The following TULP4 variants were observed in gnomAD, a reference collection of about 807,000 sequenced individuals.
TULP4 encodes tubby-related protein 4.
TULP4 carries 16 observed loss-of-function variants against 129.0 expected under a neutral mutation model. That is an observed-to-expected ratio of 0.12 (90% CI 0.08 to 0.19). TULP4 has a LOEUF of 0.19. TULP4 is among the 10% of genes least tolerant of loss of function. The pLI is 1.00. For synonymous variants in TULP4, 998 were observed against 854.0 expected, an observed-to-expected ratio of 1.17 and a Z score of -2.94; for missense variants, 1,842 against 2,059.1, an observed-to-expected ratio of 0.89 and a Z score of 2.04.
intron 1 of TULP4, among the ~76,000 whole-genome samples, chr6:158,349,555 G>A (rs1466123578): frequency 8.9e-5 from 11 of 123,370 alleles, no homozygotes; most frequent in Non-Finnish European, 1.9e-4. Context: ...CATCCCAGAC[G>A]ATGGGTGGCC....
chr6:158,232,747 C>T (rs1583658443), intron 1 of TULP4, among the ~76,000 whole-genome samples: 1 of 152,036 alleles, frequency 6.6e-6, no homozygotes, highest in Admixed American at 6.5e-5. Flanking sequence ...TCTTCCTCCC[C>T]GGCGTCGGGC....
chr6:158,469,864 T>G (rs979838084), intron 6 of TULP4, among the ~76,000 whole-genome samples: 3 of 151,888 alleles, frequency 2.0e-5, no homozygotes, highest in African/African-American at 7.3e-5. Flanking sequence ...TAGAGAGCTG[T>G]TACCAGGGGT....
At chr6:158,491,507 TCTTTCTTTC>T (rs1398697408) in intron 9 of TULP4, among the ~76,000 whole-genome samples, 7 of 40,892 alleles carry the variant, frequency 1.7e-4, no homozygotes, top group Non-Finnish European at 3.1e-4. Context: ...TTTCTTTCTT[TCTTTCTTTC>T]TTGTCTCGCT....
In TULP4 at chr6:158,506,722, G is replaced by T; in HGVS notation, c.*28G>T. 6.8e-7 allele frequency: 1 copy of T among 1,478,278 alleles called. No individual in the cohort carries two copies. The allele number at this position is 1,478,278 out of a possible 1,614,324, so 91.6% of individuals were successfully genotyped here. Reference sequence around the variant, plus strand: ...AGACTGGTGTGGGGAGGAGAGAGATGCAGAGAGCCTTTGGAAGAGGTCTTC... The same window carrying T: ...AGACTGGTGTGGGGAGGAGAGAGATTCAGAGAGCCTTTGGAAGAGGTCTTC... On this transcript the variant is annotated 3_prime_UTR_variant, in exon 14 of 14. Transcript: ENST00000367097.
intron 3 of TULP4, among the ~76,000 whole-genome samples, chr6:158,443,466 A>G (rs1000980661): frequency 6.6e-5 from 10 of 152,162 alleles, no homozygotes; most frequent in African/African-American, 2.4e-4. Flanking sequence ...CTCTACTCCT[A>G]GAAATTGATA....
intron 1 of TULP4, among the ~76,000 whole-genome samples, chr6:158,363,637 C>G (rs1467678246): frequency 6.6e-6 from 1 of 152,176 alleles, no homozygotes; most frequent in Non-Finnish European, 1.5e-5. Flanking sequence ...GCACGCATCA[C>G]TACGCCGGGC....
At chr6:158,270,130 C>T (rs1198110472) in intron 1 of TULP4, among the ~76,000 whole-genome samples, 1 of 152,162 alleles carries the variant, frequency 6.6e-6, no homozygotes, top group Non-Finnish European at 1.5e-5. Context: ...ATAATTAGAT[C>T]TTCTATATAT....
chr6:158,238,422 T>C (rs994569725), intron 1 of TULP4: 2 of 490,926 alleles, frequency 4.1e-6, no homozygotes, highest in Non-Finnish European at 7.2e-6. Flanking sequence ...ATTGTTTTTT[T>C]TTTTTTTTTT....
intron 2 of TULP4, among the ~76,000 whole-genome samples, chr6:158,426,604 C>T (rs903396739): frequency 5.3e-5 from 8 of 152,274 alleles, no homozygotes; most frequent in African/African-American, 1.9e-4. Context: ...CAGTACCATG[C>T]TGTTTTGGTT....
At chr6:158,272,918 C>G (rs1336163885) in intron 1 of TULP4, among the ~76,000 whole-genome samples, 3 of 152,172 alleles carry the variant, frequency 2.0e-5, no homozygotes, top group Non-Finnish European at 1.5e-5. Context: ...AGCTTATGGA[C>G]TTTGATTATT....
chr6:158,400,264 C>T (rs750504060), intron 1 of TULP4, among the ~76,000 whole-genome samples: 3 of 151,974 alleles, frequency 2.0e-5, no homozygotes, highest in South Asian at 2.1e-4. Context: ...AAGTACCTGT[C>T]GGTTAAAAAA....
At chr6:158,371,270 A>G (rs1181485934) in intron 1 of TULP4, among the ~76,000 whole-genome samples, 3 of 152,188 alleles carry the variant, frequency 2.0e-5, no homozygotes, top group East Asian at 3.8e-4. Context: ...CAAAGCCCAC[A>G]CGGAGGAGAA....
intron 1 of TULP4, among the ~76,000 whole-genome samples, chr6:158,344,528 A>G (rs1256307089): frequency 6.6e-6 from 1 of 152,132 alleles, no homozygotes; most frequent in Non-Finnish European, 1.5e-5. Context: ...CTTTTTCATC[A>G]TTATATCTTT....
intron 5 of TULP4, among the ~76,000 whole-genome samples, chr6:158,459,743 TG>T (rs1779382803): frequency 1.3e-5 from 2 of 152,244 alleles, no homozygotes; most frequent in Non-Finnish European, 2.9e-5. Context: ...ATTACAATGA[TG>T]CTTCTGTCCT....
intron 1 of TULP4, among the ~76,000 whole-genome samples, chr6:158,304,190 T>A (rs1021350451): frequency 6.6e-6 from 1 of 152,188 alleles, no homozygotes; most frequent in African/African-American, 2.4e-5. Flanking sequence ...TGTCCCTAGG[T>A]TGAACTTTCC....
intron 1 of TULP4, among the ~76,000 whole-genome samples, chr6:158,354,035 C>T (rs1583787290): frequency 6.6e-6 from 1 of 152,322 alleles, no homozygotes; most frequent in Middle Eastern, 3.4e-3. Context: ...GAGATGTTCT[C>T]ATCTAGCATG....
At chr6:158,499,467 GA>G (rs1455193105) in intron 12 of TULP4, among the ~76,000 whole-genome samples, 1 of 152,206 alleles carries the variant, frequency 6.6e-6, no homozygotes. Flanking sequence ...CCAGTGGGGG[GA>G]TTCTTAAAGG....
At chr6:158,401,615 G>A (rs1777851382) in intron 1 of TULP4, among the ~76,000 whole-genome samples, 1 of 80,374 alleles carries the variant, frequency 1.2e-5, no homozygotes, top group African/African-American at 3.8e-5. Context: ...GAGTCAAGCT[G>A]TGGGCCCAGG....
intron 2 of TULP4, among the ~76,000 whole-genome samples, chr6:158,419,681 G>C (rs987411332): frequency 3.9e-5 from 6 of 152,196 alleles, no homozygotes; most frequent in Admixed American, 3.9e-4. Flanking sequence ...TGATGTAGCT[G>C]TATGTTAGTA....
Sources: allele counts gnomAD v4.1 joint callset (sites outside exome capture counted in the v4.1 genomes callset), GRCh38; gene constraint gnomAD v4.1.1; transcripts MANE v1.5; gene names NCBI Gene and HGNC (gene_info 2026-07-23, HGNC 2026-07-21).